CMTM4: variants seen among roughly 807,000 people sequenced by gnomAD.
CMTM4 encodes the protein CKLF-like MARVEL transmembrane domain-containing protein 4.
In CMTM4, 8 loss-of-function variants were observed where a neutral mutation model predicts 19.0. The observed-to-expected ratio is 0.42, with a 90% CI of 0.25 to 0.76. The LOEUF is 0.76. Among genes scored for constraint, CMTM4 ranks in the 30% least tolerant of loss-of-function variants. The pLI, the probability that CMTM4 is intolerant of heterozygous loss-of-function variation, is 0.27. For missense variants in CMTM4, 228 were observed against 290.2 expected (o/e 0.79, Z 1.56); for synonymous variants, 106 against 121.1 (o/e 0.88, Z 0.82).
intron 1 of CMTM4, among the ~76,000 whole-genome samples, chr16:66,647,020 T>C (rs1367039679): frequency 1.3e-5 from 2 of 151,464 alleles, no homozygotes; most frequent in African/African-American, 4.8e-5. Flanking sequence ...TCAGGACTTT[T>C]TAAAAGCCCT....
At chr16:66,656,949 G>T (rs1276311056) in intron 1 of CMTM4, among the ~76,000 whole-genome samples, 3 of 152,074 alleles carry the variant, frequency 2.0e-5, no homozygotes, top group African/African-American at 7.2e-5. Context: ...GACTCAAGGA[G>T]ATTAAAGAGA....
At chr16:66,601,517 G>A in the CMTM4 span, among the ~76,000 whole-genome samples, 1 of 152,124 alleles carries the variant, frequency 6.6e-6, no homozygotes, top group Admixed American at 6.5e-5. Context: ...TTGATCTATG[G>A]GCAGCCATGG....
downstream of CMTM4, chr16:66,610,915 A>C (rs1013155543): frequency 7.5e-6 from 3 of 398,210 alleles, no homozygotes; most frequent in Non-Finnish European, 1.3e-5. The surrounding 1 kb of genome is among the most constrained non-coding windows in gnomAD (Gnocchi z 4.6). Flanking sequence ...AATGAATGCC[A>C]CTCATCCCAT....
At position 66,620,108 on chromosome 16, in the gene CMTM4, T is replaced by G. The variant is rs1389263979; in HGVS notation, c.*1950A>C. The stretch of plus-strand genomic sequence containing the variant: ...ATCTCACTTCAAAGATGGCCTTTTT[T>G]GGGGGCCAAGTAACATGATTCCCAG... On this transcript the variant is annotated 3_prime_UTR_variant, in exon 4 of 4. Transcript: ENST00000394106. 13 of 985,334 alleles carry G rather than the reference T, an allele frequency of 1.3e-5. No homozygotes were observed. The Admixed American group carries it at 1.8e-4, about 14-fold the overall frequency. 61.0% of individuals were successfully genotyped at this position (985,334 alleles called of 1,614,324 possible). A position where few individuals can be genotyped will look rare whatever the true frequency, so the allele number is the denominator to read the frequency against.
intron 2 of CMTM4, among the ~76,000 whole-genome samples, chr16:66,633,914 G>A (rs923680301): frequency 1.3e-5 from 2 of 151,962 alleles, no homozygotes; most frequent in African/African-American, 2.4e-5. Flanking sequence ...CCAAAAGAGT[G>A]GAAAGTCTAG....
downstream of CMTM4, chr16:66,612,597 C>T (rs760540887): frequency 6.2e-7 from 1 of 1,613,944 alleles, no homozygotes; most frequent in East Asian, 2.2e-5. The surrounding 1 kb of genome is among the most constrained non-coding windows in gnomAD (Gnocchi z 6.0). Context: ...ATCCTCTCTG[C>T]TTTCCTTTCA....
chr16:66,675,407 T>C (rs1261614018), intron 1 of CMTM4, among the ~76,000 whole-genome samples: 1 of 151,020 alleles, frequency 6.6e-6, no homozygotes, highest in Non-Finnish European at 1.5e-5. Flanking sequence ...AAAAATTTTT[T>C]CCTTTATATT....
At chr16:66,660,402 A>C (rs552491226) in intron 1 of CMTM4, among the ~76,000 whole-genome samples, 60 of 152,036 alleles carry the variant, frequency 3.9e-4, no homozygotes, top group African/African-American at 1.1e-3. Context: ...AAAAAAAAAA[A>C]AAAACAAAAC....
intron 2 of CMTM4, among the ~76,000 whole-genome samples, chr16:66,624,352 C>A (rs1312572695): frequency 2.0e-5 from 3 of 152,204 alleles, no homozygotes; most frequent in Non-Finnish European, 4.4e-5. Flanking sequence ...ACCTCTAAAA[C>A]CTCTATAGGA....
the CMTM4 span, among the ~76,000 whole-genome samples, chr16:66,600,596 C>G: frequency 2.0e-5 from 3 of 151,998 alleles, no homozygotes; most frequent in Non-Finnish European, 4.4e-5. Flanking sequence ...CCAGCTCCCC[C>G]CATCTTCCCC....
intron 1 of CMTM4, among the ~76,000 whole-genome samples, chr16:66,664,229 G>A (rs1394413876): frequency 2.1e-5 from 3 of 143,950 alleles, no homozygotes; most frequent in Admixed American, 7.1e-5. Flanking sequence ...GTGAGACTCC[G>A]TCTCAAAAAA....
rs566639717 is a variant in CMTM4, at chr16:66,621,168, G to A, written c.*890C>T. On this transcript the variant is annotated 3_prime_UTR_variant, in exon 4 of 4. Coordinates refer to ENST00000394106, the MANE Select transcript of CMTM4 (RefSeq NM_181521.3). The stretch of plus-strand genomic sequence containing the variant: ...GGGGTGTGTGTGTGCATGTGTGCGC[G>A]CACGCGTGTGCATGCTGTTTTTTAA... 182 of 985,686 alleles carry A rather than the reference G, an allele frequency of 1.8e-4. No individual in the cohort carries two copies. The highest frequency in any genetic ancestry group is 1.2e-3 in the South Asian group (25 of 21,282). The allele number at this position is 985,686 out of a possible 1,614,324, so 61.1% of individuals were successfully genotyped here. A position where few individuals can be genotyped will look rare whatever the true frequency, so the allele number is the denominator to read the frequency against.
At chr16:66,675,614 A>C (rs1373045181) in intron 1 of CMTM4, among the ~76,000 whole-genome samples, 1 of 152,086 alleles carries the variant, frequency 6.6e-6, no homozygotes, top group Non-Finnish European at 1.5e-5. Flanking sequence ...CCAGCCTGAC[A>C]GTCCCTAGGC....
intron 2 of CMTM4, among the ~76,000 whole-genome samples, chr16:66,631,275 C>G (rs1035685766): frequency 2.0e-5 from 3 of 150,836 alleles, no homozygotes; most frequent in Non-Finnish European, 4.4e-5. Context: ...GGTCAGCCCC[C>G]CGCCCGGCCA....
At chr16:66,683,174 T>TATATATATATAC in intron 1 of CMTM4, among the ~76,000 whole-genome samples, 1 of 83,658 alleles carries the variant, frequency 1.2e-5, no homozygotes, top group South Asian at 5.3e-4. Flanking sequence ...TATATATATA[T>TATATATATATAC]ACATATGTAT....
At chr16:66,602,549 T>A in the CMTM4 span, among the ~76,000 whole-genome samples, 3 of 152,198 alleles carry the variant, frequency 2.0e-5, no homozygotes, top group South Asian at 2.1e-4. Context: ...TCTTCTTTTT[T>A]CTTTCATACA....
the CMTM4 span, among the ~76,000 whole-genome samples, chr16:66,599,123 T>C: frequency 6.7e-6 from 1 of 149,528 alleles, no homozygotes; most frequent in East Asian, 1.9e-4. Flanking sequence ...CTACTAAAAT[T>C]ACCAAAAAAA....
At chr16:66,629,965 A>G (rs577153371) in intron 2 of CMTM4, among the ~76,000 whole-genome samples, 4 of 152,286 alleles carry the variant, frequency 2.6e-5, no homozygotes, top group African/African-American at 9.6e-5. Flanking sequence ...CGTTTAAAAC[A>G]TATCAGTAAT....
Position 66,696,626 on chromosome 16 carries a change from G to T in CMTM4, c.-101C>A, listed in dbSNP as rs2017243874. 1.4e-5 allele frequency: 9 copies of T among 663,100 alleles called. No individual in the cohort carries two copies. Among genetic ancestry groups the T allele is most frequent in the Non-Finnish European group, 1.7e-5 (9 of 541,068 alleles). The allele number at this position is 663,100 out of a possible 1,614,324, so 41.1% of individuals were successfully genotyped here. A position where few individuals can be genotyped will look rare whatever the true frequency, so the allele number is the denominator to read the frequency against. On this transcript the variant is annotated 5_prime_UTR_variant, in exon 1 of 4. Coordinates refer to ENST00000394106, the MANE Select transcript of CMTM4 (RefSeq NM_181521.3). This position sits in a 1 kb window ranked among gnomAD's most constrained non-coding sequence, Gnocchi z 4.3. ...CATCGCCGCCGCCGCCGCCGCCGCCGCCGCCCGACTGACTGCCCGCGGCCC... is the reference window on the plus strand; with the variant it reads ...CATCGCCGCCGCCGCCGCCGCCGCCTCCGCCCGACTGACTGCCCGCGGCCC...
Sources: gnomAD v4.1 joint callset for allele counts (sites outside exome capture counted in the v4.1 genomes callset) on GRCh38, gnomAD v4.1.1 for gene constraint, Gnocchi (gnomAD v3.1) non-coding constraint, MANE v1.5 for transcripts, NCBI Gene and HGNC (gene_info 2026-07-23, HGNC 2026-07-21) for gene names.